RYR1: variants seen among roughly 807,000 people sequenced by gnomAD.
The protein encoded by RYR1 is ryanodine receptor 1.
A neutral mutation model predicts 583.5 loss-of-function variants in RYR1; 342 were observed. The observed-to-expected ratio is 0.59, with a 90% CI of 0.54 to 0.64. RYR1 has a LOEUF of 0.64. Ranked by LOEUF, RYR1 falls within the 30% of genes least tolerant of loss-of-function variation. The pLI, the probability that RYR1 is intolerant of heterozygous loss-of-function variation, is 0.00. For synonymous variants in RYR1, 2,791 were observed against 2,822.5 expected (o/e 0.99, Z 0.35); for missense variants, 6,032 against 6,917.2 (o/e 0.87, Z 4.54).
Position 38,523,688 on chromosome 19 carries a change from C to T in RYR1, c.10441-227C>T, listed in dbSNP as rs1286978543. 7.9e-6 allele frequency: 5 copies of T among 630,728 alleles called. No homozygotes were observed. In the Admixed American group the frequency reaches 1.0e-4, roughly 13 times the overall value. 39.1% of individuals were successfully genotyped at this position (630,728 alleles called of 1,614,324 possible). On this transcript the variant is annotated intron_variant, in intron 69 of 105. Coordinates refer to ENST00000359596, the MANE Select transcript of RYR1 (RefSeq NM_000540.3). Reference sequence around the variant, plus strand: ...CCTCTTCCATTTCTTTCTTCCTCTCCCCATTACCCCATTTCCTGCTTTCCT... The same window carrying T: ...CCTCTTCCATTTCTTTCTTCCTCTCTCCATTACCCCATTTCCTGCTTTCCT...
At chr19:38,462,182 G>T (rs528987261) in intron 20 of RYR1, among the ~76,000 whole-genome samples, 5 of 152,330 alleles carry the variant, frequency 3.3e-5, no homozygotes, top group Admixed American at 1.3e-4. Flanking sequence ...TCTTGGGCAT[G>T]TGACCTCCCC....
Position 38,543,775 on chromosome 19 carries a change from C to A in RYR1, c.11912C>A (p.Pro3971His). The change falls in exon 87 of 106, where the codon CCC (proline) becomes CAC (histidine). Residue 3971 changes from proline (P) to histidine (H), a missense_variant. By Grantham distance (77) the Pro-to-His change is moderately conservative. Coordinates refer to ENST00000359596, the MANE Select transcript of RYR1 (RefSeq NM_000540.3). This position sits in a 1 kb window ranked among gnomAD's most constrained non-coding sequence, Gnocchi z 4.4. ...FNSLTEYIQG[P>H]CTGNQQSLAH... The stretch of plus-strand genomic sequence containing the variant: ...ACACGGCACTCTGCCTCCCAGGGTC[C>A]CTGCACCGGGAACCAGCAGAGCCTG... 1.9e-6 allele frequency: 3 copies of A among 1,613,188 alleles called. No individual in the cohort carries two copies. The highest frequency in any genetic ancestry group is 2.5e-6 in the Non-Finnish European group (3 of 1,180,024).
chr19:38,516,362 G>T (rs773975387), intron 65 of RYR1, 145 bp downstream of exon 65: 2 of 909,074 alleles, frequency 2.2e-6, no homozygotes, highest in Non-Finnish European at 3.3e-6. Flanking sequence ...CACACATTCA[G>T]GAACCCCAGA....
At chr19:38,452,791 G>A (rs1477772017) in intron 12 of RYR1, 28 bp from the exon 13 acceptor site, 2 of 1,552,706 alleles carry the variant, frequency 1.3e-6, no homozygotes, top group East Asian at 2.4e-5. Context: ...GCTCCCAGCC[G>A]TGGCTGACAG....
chr19:38,501,381 C>T (rs1320734850), intron 47 of RYR1, among the ~76,000 whole-genome samples: 1 of 152,110 alleles, frequency 6.6e-6, no homozygotes, highest in Non-Finnish European at 1.5e-5. Context: ...ACTTGTAATC[C>T]CAGCTACTCA....
Position 38,565,546 on chromosome 19 carries a change from C to T in RYR1, c.13212C>T (p.Asp4404=), listed in dbSNP as rs1031604882. 1.1e-5 allele frequency: 16 copies of T among 1,492,142 alleles called. No homozygotes were observed. The highest frequency in any genetic ancestry group is 1.4e-5 in the Non-Finnish European group (16 of 1,128,054). 92.4% of individuals were successfully genotyped at this position (1,492,142 alleles called of 1,614,324 possible). The change falls in exon 91 of 106, where the codon GAC becomes GAT. Residue 4404 remains aspartate (D), a synonymous_variant. Coordinates refer to ENST00000359596, the MANE Select transcript of RYR1 (RefSeq NM_000540.3). This position sits in a 1 kb window ranked among gnomAD's most constrained non-coding sequence, Gnocchi z 4.7. ...CGGCCGGGCCGGGCGGAGACGCAGA[C>T]GGCGAGGGTGCCAGCGAGGGCGCTG... ...EQPAGPGGDA[D]GEGASEGAGD... is the part of the protein sequence containing the mutation.
Position 38,497,439 on chromosome 19 carries a change from G to A in RYR1, c.6891+485G>A, listed in dbSNP as rs536668062. The stretch of plus-strand genomic sequence containing the variant: ...CAGCAACTTTGCTTCTGCTCCCCTC[G>A]CTCCCTGGCTGTGTGGCCTTGGATA... On this transcript the variant is annotated intron_variant, in intron 42 of 105. Transcript: ENST00000359596. Among the ~76,000 whole-genome samples the A allele has an allele frequency of 5.3e-5, 8 of 152,310 alleles. No homozygotes were observed. In the South Asian group the frequency reaches 8.3e-4, roughly 16 times the overall value.
At chr19:38,475,183 A>G in intron 28 of RYR1, 135 bp from the exon 29 acceptor site, 2 of 1,206,566 alleles carry the variant, frequency 1.7e-6, no homozygotes, top group Non-Finnish European at 2.3e-6. Context: ...GTAGGTGGGA[A>G]TCCAGCCCTC....
At position 38,453,014 on chromosome 19, in the gene RYR1, G is replaced by GGTGAGGAC. The variant is rs768583463; in HGVS notation, c.1440+4_1440+11dup. The GGTGAGGAC allele has an allele frequency of 6.2e-7, 1 of 1,613,634 alleles. No homozygotes were observed. The highest frequency in any genetic ancestry group is 8.5e-7 in the Non-Finnish European group (1 of 1,179,712). ...ACCGCCAGAGCCTCTTCCAGGAGGAGGTGAGGACGTGGCGAGGGCGGAGCG... is the reference window on the plus strand; with the variant it reads ...ACCGCCAGAGCCTCTTCCAGGAGGAGGTGAGGACGTGAGGACGTGGCGAGGGCGGAGCG... On this transcript the variant is annotated frameshift_variant and splice_region_variant. Transcript: ENST00000359596. LOFTEE classifies it high-confidence loss of function.
intron 27 of RYR1, among the ~76,000 whole-genome samples, chr19:38,472,377 A>G (rs1195850894): frequency 6.6e-6 from 1 of 152,146 alleles, no homozygotes; most frequent in Non-Finnish European, 1.5e-5. Flanking sequence ...CTGGGATTAC[A>G]GGCATGAGCC....
chr19:38,565,762 G>A lies in RYR1; in HGVS notation c.13428G>A (p.Arg4476=). The A allele has an allele frequency of 1.4e-6, 2 of 1,405,348 alleles. No homozygotes were observed. Among genetic ancestry groups the A allele is most frequent in the Admixed American group, 3.3e-5 (1 of 30,200 alleles). The allele number at this position is 1,405,348 out of a possible 1,614,324, so 87.1% of individuals were successfully genotyped here. A position where few individuals can be genotyped will look rare whatever the true frequency, so the allele number is the denominator to read the frequency against. ...CCGAGGGCTCTCCCATCCTCAAGAG[G>A]AAATTGGGGGTGAGAGAGCAGGCGG... ...PTPEGSPILK[R]KLGVDGVEEE... The change falls in exon 91 of 106, where the codon AGG becomes AGA. Residue 4476 remains arginine (R), a synonymous_variant. Coordinates refer to ENST00000359596, the MANE Select transcript of RYR1 (RefSeq NM_000540.3). The surrounding 1 kb of genome is among the most constrained non-coding windows in gnomAD (Gnocchi z 4.7).
In RYR1 at chr19:38,496,805, AGAG is replaced by A. The variant is rs1428149279; in HGVS notation, c.6797-50_6797-48del. 2.6e-6 allele frequency: 4 copies of A among 1,529,430 alleles called. No homozygotes were observed. In the African/African-American group the frequency reaches 5.5e-5, roughly 21 times the overall value. The allele number at this position is 1,529,430 out of a possible 1,614,324, so 94.7% of individuals were successfully genotyped here. On this transcript the variant is annotated intron_variant, in intron 41 of 105. Transcript: ENST00000359596. This position sits in a 1 kb window ranked among gnomAD's most constrained non-coding sequence, Gnocchi z 4.8. ...AAAGGGTGGTCAGGGAGGGCTTCCC[AGAG>A]GAGGCGAGACAAGCAGGAGTGAGAT...
rs1032699921 is a variant in RYR1 at position 38,453,136 on chromosome 19, G to C, written c.1440+122G>C. On this transcript the variant is annotated intron_variant, in intron 13 of 105. Transcript: ENST00000359596. ...GACCTGGGGAAGTAGGGTCTGAGAA[G>C]GGGGCGGGGCAGGAGAAGGAGCCGG... is the stretch of plus-strand genomic sequence containing the variant. The C allele has an allele frequency of 2.8e-5, 29 of 1,051,964 alleles. No individual in the cohort carries two copies. The African/African-American group carries it at 4.4e-4, about 16-fold the overall frequency. The allele number at this position is 1,051,964 out of a possible 1,614,324, so 65.2% of individuals were successfully genotyped here.
intron 2 of RYR1, among the ~76,000 whole-genome samples, 177 bp from the exon 3 acceptor site, chr19:38,442,172 T>C (rs1257481581): frequency 6.7e-6 from 1 of 148,880 alleles, no homozygotes; most frequent in African/African-American, 2.5e-5. Flanking sequence ...GTGATGTTGG[T>C]CTAGATTCAG....
chr19:38,452,567 A>T (rs1471975426), intron 12 of RYR1, among the ~76,000 whole-genome samples: 2 of 152,152 alleles, frequency 1.3e-5, no homozygotes, highest in Non-Finnish European at 2.9e-5. Context: ...TGACACCCAG[A>T]GCCTGGACCC....
chr19:38,505,999 A>C, intron 54 of RYR1, 53 bp downstream of exon 54: 1 of 1,594,386 alleles, frequency 6.3e-7, no homozygotes, highest in Non-Finnish European at 8.5e-7. Flanking sequence ...GAGGGTCTAG[A>C]ACAAGGGGCA....
At position 38,532,555 on chromosome 19, in the gene RYR1, C is replaced by T. The variant is rs200858399; in HGVS notation, c.11193+14C>T. On this transcript the variant is annotated intron_variant, in intron 77 of 105. Transcript: ENST00000359596. ...ATCATGGCAAAGGTGAGGCCCTACC[C>T]CCCTCTTCTGGGGCAGATTTCCCTC... 4 of 1,614,036 alleles carry T rather than the reference C, an allele frequency of 2.5e-6. No individual in the cohort carries two copies. Among genetic ancestry groups the T allele is most frequent in the Admixed American group, 1.7e-5 (1 of 60,006 alleles).
intron 1 of RYR1, among the ~76,000 whole-genome samples, chr19:38,436,497 C>T (rs1010879603): frequency 1.3e-5 from 2 of 152,162 alleles, no homozygotes; most frequent in African/African-American, 4.8e-5. Context: ...GCATAAGCCA[C>T]CATGCCCGGC....
intron 97 of RYR1, among the ~76,000 whole-genome samples, chr19:38,576,827 G>A (rs1453852600): frequency 2.6e-5 from 4 of 152,092 alleles, no homozygotes; most frequent in African/African-American, 7.2e-5. Context: ...CTAGTTGAAA[G>A]AGAGGAAGTT....
Sources: gnomAD v4.1 joint callset for allele counts (sites outside exome capture counted in the v4.1 genomes callset) on GRCh38, gnomAD v4.1.1 for gene constraint, Gnocchi (gnomAD v3.1) non-coding constraint, MANE v1.5 for transcripts, NCBI Gene and HGNC (gene_info 2026-07-23, HGNC 2026-07-21) for gene names.